PSMA1: variants seen among roughly 807,000 people sequenced by gnomAD.
The protein encoded by PSMA1 is proteasome subunit alpha type-1.
In PSMA1, 3 loss-of-function variants were observed where a neutral mutation model predicts 38.4. That is an observed-to-expected ratio of 0.08 (90% CI 0.04 to 0.20). PSMA1 has a LOEUF of 0.20. Ranked by LOEUF, PSMA1 falls within the 10% of genes least tolerant of loss-of-function variation. PSMA1 has a pLI of 1.00. For synonymous variants in PSMA1, 101 were observed against 107.1 expected (o/e 0.94, Z 0.35); for missense variants, 227 against 325.3 (o/e 0.70, Z 2.32).
chr11:14,551,517 G>T (rs1284211486), intron 2 of PSMA1, among the ~76,000 whole-genome samples: 1 of 152,152 alleles, frequency 6.6e-6, no homozygotes, highest in East Asian at 1.9e-4. Context: ...TGCTGTCAGG[G>T]GGAAGAGAGT....
chr11:14,618,064 C>G (rs778018946), intron 1 of PSMA1, among the ~76,000 whole-genome samples: 1 of 152,078 alleles, frequency 6.6e-6, no homozygotes, highest in East Asian at 1.9e-4. Context: ...CCCATTTGAC[C>G]GCTTTTATGG....
intron 6 of PSMA1, 31 bp downstream of exon 6, chr11:14,513,786 A>G: frequency 6.4e-7 from 1 of 1,555,164 alleles, no homozygotes; most frequent in Non-Finnish European, 8.6e-7. Flanking sequence ...AAAAAAAATC[A>G]TTAACATATA....
chr11:14,510,959 T>A lies in PSMA1; in HGVS notation c.545-8A>T. Reference sequence around the variant, plus strand: ...CTAGTTCATTTAAATTACCTATATGTAATAAATTAACAATTATTTCTTAAT... The same window carrying A: ...CTAGTTCATTTAAATTACCTATATGAAATAAATTAACAATTATTTCTTAAT... On this transcript the variant is annotated splice_region_variant and splice_polypyrimidine_tract_variant and intron_variant, in intron 7 of 9. Coordinates refer to ENST00000396394, the MANE Select transcript of PSMA1 (RefSeq NM_002786.4). 1 of 1,505,674 alleles carries A rather than the reference T, an allele frequency of 6.6e-7. No homozygotes were observed. Among genetic ancestry groups the A allele is most frequent in the Non-Finnish European group, 9.1e-7 (1 of 1,099,526 alleles). The allele number at this position is 1,505,674 out of a possible 1,614,324, so 93.3% of individuals were successfully genotyped here.
At chr11:14,641,771 T>C (rs1315503263) in intron 1 of PSMA1, among the ~76,000 whole-genome samples, 2 of 152,250 alleles carry the variant, frequency 1.3e-5, no homozygotes, top group Non-Finnish European at 2.9e-5. Flanking sequence ...GTAGTATAAA[T>C]AATATAAAAG....
upstream of PSMA1, among the ~76,000 whole-genome samples, chr11:14,521,568 G>A (rs1313609830): frequency 6.6e-6 from 1 of 150,730 alleles, no homozygotes; most frequent in Non-Finnish European, 1.5e-5. Context: ...GGTGGATCAC[G>A]AGGTCAGGAG....
intron 2 of PSMA1, among the ~76,000 whole-genome samples, chr11:14,573,870 AGCCTG>A (rs1852179593): frequency 1.3e-5 from 2 of 152,164 alleles, no homozygotes; most frequent in Non-Finnish European, 2.9e-5. Context: ...ATTAGCAAAG[AGCCTG>A]GCGGTAGTGT....
chr11:14,637,984 T>C (rs1853131550), intron 1 of PSMA1, among the ~76,000 whole-genome samples: 2 of 152,210 alleles, frequency 1.3e-5, no homozygotes, highest in South Asian at 4.1e-4. Flanking sequence ...AGGATAGATG[T>C]AAGAAAAATA....
At chr11:14,616,521 T>C (rs978330303) in intron 1 of PSMA1, among the ~76,000 whole-genome samples, 2 of 152,286 alleles carry the variant, frequency 1.3e-5, no homozygotes, top group African/African-American at 4.8e-5. Context: ...TGTGAACCAC[T>C]GTGCCCGATC....
chr11:14,612,499 T>A (rs1162212627), intron 1 of PSMA1, among the ~76,000 whole-genome samples: 5 of 152,084 alleles, frequency 3.3e-5, no homozygotes, highest in Non-Finnish European at 7.4e-5. Flanking sequence ...AAGCAGTTTA[T>A]CTGCATTAAA....
chr11:14,506,187 C>T (rs1209748309), intron 9 of PSMA1, among the ~76,000 whole-genome samples: 1 of 152,170 alleles, frequency 6.6e-6, no homozygotes, highest in East Asian at 1.9e-4. Flanking sequence ...TCGAGGATAA[C>T]TGTATATATA....
intron 2 of PSMA1, among the ~76,000 whole-genome samples, chr11:14,576,752 T>C (rs1852221703): frequency 6.6e-6 from 1 of 152,248 alleles, no homozygotes; most frequent in Admixed American, 6.5e-5. Flanking sequence ...AGGATTGTCT[T>C]GGCAATGCAG....
chr11:14,582,102 T>G (rs1852288130), intron 2 of PSMA1, among the ~76,000 whole-genome samples: 1 of 152,144 alleles, frequency 6.6e-6, no homozygotes. Flanking sequence ...TTGAGGCAGA[T>G]AGGGATAGAT....
intron 2 of PSMA1, among the ~76,000 whole-genome samples, chr11:14,597,336 T>C (rs983702477): frequency 2.0e-5 from 3 of 152,224 alleles, no homozygotes; most frequent in Non-Finnish European, 4.4e-5. Flanking sequence ...CTCTTCCTTG[T>C]ACCTCTGGTA....
At chr11:14,532,902 ATTT>A (rs1157886919) in intron 2 of PSMA1, among the ~76,000 whole-genome samples, 14 of 151,056 alleles carry the variant, frequency 9.3e-5, no homozygotes, top group African/African-American at 3.0e-4. Context: ...AAAAAAAAAA[ATTT>A]AAAAAAAATC....
intron 1 of PSMA1, among the ~76,000 whole-genome samples, chr11:14,625,552 C>T (rs890301832): frequency 3.3e-5 from 5 of 152,184 alleles, no homozygotes; most frequent in Admixed American, 6.5e-5. Context: ...TGAGGCAATA[C>T]TTCTTTTGGG....
At chr11:14,617,293 A>G (rs1565059286) in intron 1 of PSMA1, among the ~76,000 whole-genome samples, 2 of 152,204 alleles carry the variant, frequency 1.3e-5, no homozygotes, top group African/African-American at 4.8e-5. Flanking sequence ...ATTTCCCCCA[A>G]TGTAGCATCC....
At chr11:14,568,776 A>G (rs1158281006) in intron 2 of PSMA1, among the ~76,000 whole-genome samples, 3 of 152,058 alleles carry the variant, frequency 2.0e-5, no homozygotes, top group East Asian at 3.9e-4. Flanking sequence ...GTCTTGGCTG[A>G]CTCTGCTTTG....
intron 1 of PSMA1, among the ~76,000 whole-genome samples, chr11:14,615,462 T>A (rs1852761008): frequency 6.6e-6 from 1 of 152,206 alleles, no homozygotes; most frequent in Non-Finnish European, 1.5e-5. Context: ...TTTTCCTACA[T>A]CCCTCTCTTC....
At chr11:14,553,381 T>G (rs963133062) in intron 2 of PSMA1, among the ~76,000 whole-genome samples, 1 of 152,146 alleles carries the variant, frequency 6.6e-6, no homozygotes, top group Non-Finnish European at 1.5e-5. Flanking sequence ...TTTCATCACA[T>G]GTAGTAAATT....
Sources: allele counts gnomAD v4.1 joint callset (sites outside exome capture counted in the v4.1 genomes callset), GRCh38; gene constraint gnomAD v4.1.1; transcripts MANE v1.5; gene names NCBI Gene and HGNC (gene_info 2026-07-23, HGNC 2026-07-21).